The following SNX29 variants were observed in gnomAD, a reference collection of about 807,000 sequenced individuals.
SNX29 encodes the protein sorting nexin 29.
SNX29 carries 78 observed loss-of-function variants against 102.1 expected under a neutral mutation model. The ratio of observed to expected loss-of-function variants is 0.76; its 90% CI spans 0.64 to 0.92. The LOEUF (loss-of-function observed/expected upper bound fraction) is 0.92. Among genes scored for constraint, SNX29 ranks in the 40% least tolerant of loss-of-function variants. SNX29 has a pLI of 0.00. For missense variants in SNX29, 1,280 were observed against 1,061.7 expected, an observed-to-expected ratio of 1.21 and a Z score of -2.86; for synonymous variants, 580 against 414.5, an observed-to-expected ratio of 1.40 and a Z score of -4.85.
rs532317855 is a variant in SNX29 at position 12,092,007 on chromosome 16, C to T, written c.1402+13092C>T. Among the ~76,000 whole-genome samples the T allele has an allele frequency of 2.0e-4, 30 of 152,220 alleles. No individual in the cohort carries two copies. The South Asian group carries it at 5.0e-3, about 25-fold the overall frequency. The stretch of plus-strand genomic sequence containing the variant: ...GTTTTGTTTTCGCAGCCCTACTCGG[C>T]GGAGGTGCTCCTGCAAGAGGCCCTC... On this transcript the variant is annotated intron_variant, in intron 11 of 20. Coordinates refer to ENST00000566228, the MANE Select transcript of SNX29 (RefSeq NM_032167.5).
chr16:12,068,518 A>AAAT (rs59643543), intron 9 of SNX29, among the ~76,000 whole-genome samples: 1 of 146,116 alleles, frequency 6.8e-6, no homozygotes, highest in Non-Finnish European at 1.5e-5. Flanking sequence ...AAAAAAAAAA[A>AAAT]GTCACAGGTT....
At chr16:12,563,974 T>G (rs1422149533) in intron 20 of SNX29, among the ~76,000 whole-genome samples, 1 of 145,896 alleles carries the variant, frequency 6.9e-6, no homozygotes, top group Non-Finnish European at 1.5e-5. Flanking sequence ...GCTTTTCAGA[T>G]AAGGTTCCCT....
chr16:12,205,000 C>T (rs898444515), intron 14 of SNX29, among the ~76,000 whole-genome samples: 4 of 152,140 alleles, frequency 2.6e-5, no homozygotes, highest in Non-Finnish European at 4.4e-5. Flanking sequence ...CAGCAATCCC[C>T]GATTCCACAC....
chr16:12,188,609 G>T (rs893263258), intron 13 of SNX29, among the ~76,000 whole-genome samples: 2 of 152,190 alleles, frequency 1.3e-5, no homozygotes, highest in African/African-American at 4.8e-5. Context: ...CTCTGGCTCT[G>T]GATATGCAAT....
In SNX29 at chr16:12,286,532, A is replaced by C. The variant is rs565723080; in HGVS notation, c.1782+8496A>C. ...GTTAATTTTTTTGTATTTTTAGTAG[A>C]GATGGGGTTTCACCGTGTAAGCCAG... On this transcript the variant is annotated intron_variant, in intron 15 of 20. Transcript: ENST00000566228. Among the ~76,000 whole-genome samples the C allele has an allele frequency of 3.3e-5, 5 of 151,848 alleles. No individual in the cohort carries two copies. The East Asian group carries it at 7.8e-4, about 24-fold the overall frequency.
At chr16:12,495,952 G>A (rs1419016597) in intron 19 of SNX29, among the ~76,000 whole-genome samples, 6 of 152,182 alleles carry the variant, frequency 3.9e-5, no homozygotes, top group Non-Finnish European at 7.3e-5. Flanking sequence ...GGAGGCTGAG[G>A]CAGTAGAATC....
At chr16:12,287,673 T>A (rs1398600778) in intron 15 of SNX29, among the ~76,000 whole-genome samples, 1 of 152,220 alleles carries the variant, frequency 6.6e-6, no homozygotes, top group Non-Finnish European at 1.5e-5. Context: ...AATTCCTTAG[T>A]ATTGTCAAAT....
At chr16:12,243,937 T>C (rs139739729) in intron 14 of SNX29, among the ~76,000 whole-genome samples, 61 of 152,368 alleles carry the variant, frequency 4.0e-4, no homozygotes, top group African/African-American at 1.3e-3. Flanking sequence ...TTTGTGGCTC[T>C]GGTAGAGGTT....
At chr16:12,457,260 G>A (rs1434540630) in intron 18 of SNX29, among the ~76,000 whole-genome samples, 19 of 152,134 alleles carry the variant, frequency 1.2e-4, no homozygotes, top group Admixed American at 6.5e-4. Context: ...TACTATCCCC[G>A]CTCTATAGAT....
At chr16:12,020,142 A>G (rs77359484) in intron 3 of SNX29, among the ~76,000 whole-genome samples, 1 of 150,650 alleles carries the variant, frequency 6.6e-6, no homozygotes, top group Non-Finnish European at 1.5e-5. Flanking sequence ...TTTTTTTTTA[A>G]GACAAGGTCT....
chr16:12,427,595 TTAATC>T (rs145179177), intron 18 of SNX29, among the ~76,000 whole-genome samples: 5,269 of 152,314 alleles, frequency 0.035, 175 homozygotes, highest in African/African-American at 0.08. Flanking sequence ...TTGTTGGTAT[TTAATC>T]AAACAACAGT....
At chr16:12,496,436 G>GC (rs2088827572) in intron 19 of SNX29, among the ~76,000 whole-genome samples, 2 of 151,374 alleles carry the variant, frequency 1.3e-5, no homozygotes, top group East Asian at 3.9e-4. Context: ...TGGAGGCTGG[G>GC]CCCTTCGCTG....
At chr16:12,445,620 C>G (rs2086014070) in intron 18 of SNX29, among the ~76,000 whole-genome samples, 1 of 152,192 alleles carries the variant, frequency 6.6e-6, no homozygotes, top group South Asian at 2.1e-4. Context: ...CCAGGTCCAC[C>G]TAAGCTAAGC....
intron 19 of SNX29, among the ~76,000 whole-genome samples, chr16:12,490,180 A>G (rs966653009): frequency 6.6e-6 from 1 of 152,234 alleles, no homozygotes; most frequent in African/African-American, 2.4e-5. Flanking sequence ...TTTTCACAAA[A>G]TGAACACACC....
chr16:12,444,175 G>A (rs963568483), intron 18 of SNX29, among the ~76,000 whole-genome samples: 31 of 152,010 alleles, frequency 2.0e-4, no homozygotes, highest in African/African-American at 7.5e-4. Flanking sequence ...CATGTAATAA[G>A]CACTCAATAT....
At chr16:12,012,359 C>A (rs1159983069) in intron 3 of SNX29, among the ~76,000 whole-genome samples, 1 of 152,080 alleles carries the variant, frequency 6.6e-6, no homozygotes, top group Non-Finnish European at 1.5e-5. Context: ...TTCTTCTCTG[C>A]TATCACAGGG....
rs183235195 is a variant in SNX29, at chr16:12,388,820, T to C, written c.1900-9626T>C. Among the ~76,000 whole-genome samples the C allele has an allele frequency of 1.9e-3, 295 of 152,338 alleles. 1 individual carries two copies. Among genetic ancestry groups the C allele is most frequent in the Non-Finnish European group, 3.1e-3 (209 of 68,026 alleles). ...AGTCCTTGACCTGGAGGGTTCTGCC[T>C]GTAACACACTTGCACGTAGTGTTGG... On this transcript the variant is annotated intron_variant, in intron 16 of 20. Coordinates refer to ENST00000566228, the MANE Select transcript of SNX29 (RefSeq NM_032167.5).
In SNX29 at chr16:12,466,250, A is replaced by T. The variant is rs78435057; in HGVS notation, c.2038-11469A>T. Among the ~76,000 whole-genome samples the T allele has an allele frequency of 2.3e-3, 354 of 152,322 alleles. 10 individuals carry two copies. In the East Asian group the frequency reaches 0.057, roughly 24 times the overall value. On this transcript the variant is annotated intron_variant, in intron 18 of 20. Coordinates refer to ENST00000566228, the MANE Select transcript of SNX29 (RefSeq NM_032167.5). ...TCATGTCATATAGAAAACCTTAAAG[A>T]TGCCACCAAAACAAAACAAAACCCA...
intron 15 of SNX29, among the ~76,000 whole-genome samples, chr16:12,344,689 C>G (rs149551624): frequency 2.8e-4 from 43 of 152,344 alleles, no homozygotes; most frequent in Non-Finnish European, 5.1e-4. Flanking sequence ...AATGTTTGCT[C>G]TTAATGACAG....
Sources: gnomAD v4.1 joint callset for allele counts (sites outside exome capture counted in the v4.1 genomes callset) on GRCh38, gnomAD v4.1.1 for gene constraint, MANE v1.5 for transcripts, NCBI Gene and HGNC (gene_info 2026-07-23, HGNC 2026-07-21) for gene names.